Variants in PLEKHG1 observed in about 807,000 individuals in gnomAD.
PLEKHG1 encodes the protein pleckstrin homology and RhoGEF domain containing G1.
Under a neutral mutation model 100.8 loss-of-function variants are expected in PLEKHG1, and 44 were observed. The observed-to-expected ratio is 0.44, with a 90% confidence interval of 0.34 to 0.56. The LOEUF is 0.56. Ranked by LOEUF, PLEKHG1 falls within the 20% of genes least tolerant of loss-of-function variation. The pLI is 0.01. For missense variants in PLEKHG1, 1,545 were observed against 1,720.9 expected (o/e 0.90, Z 1.81); for synonymous variants, 640 against 662.5 (o/e 0.97, Z 0.52).
At chr6:150,790,701 A>G (rs1170024290) in intron 4 of PLEKHG1, among the ~76,000 whole-genome samples, 1 of 152,190 alleles carries the variant, frequency 6.6e-6, no homozygotes, top group African/African-American at 2.4e-5. Flanking sequence ...ATATCCACGT[A>G]ATGAAGTACT....
intron 5 of PLEKHG1, among the ~76,000 whole-genome samples, chr6:150,798,988 G>A (rs1309711668): frequency 3.9e-5 from 6 of 152,032 alleles, no homozygotes; most frequent in South Asian, 2.1e-4. Context: ...TGATCCACCC[G>A]CCTCGGCCTT....
intron 2 of PLEKHG1, among the ~76,000 whole-genome samples, chr6:150,756,604 G>A (rs1046456413): frequency 6.6e-6 from 1 of 152,076 alleles, no homozygotes; most frequent in African/African-American, 2.4e-5. Flanking sequence ...AAGTAAAATA[G>A]CTTGATTTTG....
chr6:150,678,266 C>A (rs1405830021), intron 3 of PLEKHG1, among the ~76,000 whole-genome samples: 1 of 151,650 alleles, frequency 6.6e-6, no homozygotes, highest in Non-Finnish European at 1.5e-5. Flanking sequence ...AACTTCAGAC[C>A]ACTTGAACAA....
chr6:150,718,884 T>A (rs901256709), upstream of PLEKHG1, among the ~76,000 whole-genome samples: 226 of 126,804 alleles, frequency 1.8e-3, 5 homozygotes, highest in East Asian at 4.4e-4. Flanking sequence ...AGGATCAATA[T>A]AAAGGCAAAA....
rs878880335 is a variant in PLEKHG1 at position 150,831,174 on chromosome 6, G to A, written c.2063G>A (p.Arg688Lys). The change falls in exon 15 of 16, where the codon AGG becomes AAG. Residue 688 changes from arginine to lysine, a missense_variant. Transcript: ENST00000358517. The surrounding 1 kb of genome is among the most constrained non-coding windows in gnomAD (Gnocchi z 4.1). ...GAATCCACTCCCTCTAAATCAGCCA[G>A]GGACTCCGTTCGCCCCAAGAGCACC... The A allele has an allele frequency of 3.1e-6, 5 of 1,614,136 alleles. No homozygotes were observed. In the South Asian group the frequency reaches 4.4e-5, roughly 14 times the overall value.
Position 150,743,251 on chromosome 6 carries a change from G to A in PLEKHG1, c.411+9159G>A, listed in dbSNP as rs140858398. Among the ~76,000 whole-genome samples, 511 of 152,282 alleles carry A rather than the reference G, an allele frequency of 3.4e-3. 5 individuals are homozygous for A. Among genetic ancestry groups the A allele is most frequent in the African/African-American group, 0.012 (483 of 41,556 alleles). The stretch of plus-strand genomic sequence containing the variant: ...TAAAAAGGAAGAGGCTGGGTGTGGC[G>A]GCTCATGCCTGTAATCCCAGCACTT... On this transcript the variant is annotated intron_variant, in intron 2 of 15. Transcript: ENST00000358517.
At chr6:150,601,232 G>A (rs1426985609) in intron 1 of PLEKHG1, among the ~76,000 whole-genome samples, 1 of 152,210 alleles carries the variant, frequency 6.6e-6, no homozygotes, top group African/African-American at 2.4e-5. Context: ...TCTGTAGACA[G>A]CATACTTCTA....
intron 3 of PLEKHG1, among the ~76,000 whole-genome samples, chr6:150,697,544 A>C (rs1264660700): frequency 1.3e-5 from 2 of 152,132 alleles, no homozygotes; most frequent in East Asian, 3.9e-4. Flanking sequence ...AGCTTCTCCT[A>C]ATTGAGAATC....
At chr6:150,702,994 C>A (rs2128600097) in intron 3 of PLEKHG1, among the ~76,000 whole-genome samples, 1 of 152,262 alleles carries the variant, frequency 6.6e-6, no homozygotes, top group East Asian at 1.9e-4. Context: ...TCATTTTATT[C>A]CTACAAAACA....
intron 2 of PLEKHG1, among the ~76,000 whole-genome samples, chr6:150,740,586 GA>G (rs1782806082): frequency 6.6e-6 from 1 of 152,194 alleles, no homozygotes; most frequent in Non-Finnish European, 1.5e-5. Flanking sequence ...TACCGAGGGA[GA>G]AAAATGTGTT....
intron 3 of PLEKHG1, among the ~76,000 whole-genome samples, chr6:150,783,284 G>T (rs965131913): frequency 3.3e-5 from 5 of 151,548 alleles, no homozygotes; most frequent in Admixed American, 6.6e-5. Context: ...TAGCGTATTA[G>T]ACCAGGAGAT....
chr6:150,764,400 T>C (rs1217593864), intron 2 of PLEKHG1, among the ~76,000 whole-genome samples: 1 of 152,216 alleles, frequency 6.6e-6, no homozygotes, highest in Non-Finnish European at 1.5e-5. Flanking sequence ...ATTACAGGCA[T>C]GAGCCACTGC....
chr6:150,661,800 G>A (rs1038025124), intron 3 of PLEKHG1, among the ~76,000 whole-genome samples: 1 of 152,210 alleles, frequency 6.6e-6, no homozygotes, highest in African/African-American at 2.4e-5. Flanking sequence ...GGAGCTTCAT[G>A]TGTATATCAG....
chr6:150,821,238 G>C lies in PLEKHG1; in HGVS notation c.1447+5G>C. 1 of 1,599,330 alleles carries C rather than the reference G, an allele frequency of 6.3e-7. No individual in the cohort carries two copies. The highest frequency in any genetic ancestry group is 1.3e-5 in the African/African-American group (1 of 74,722). ...ATAAAGTTTTGAAGACCAGTGGTAA[G>C]TCGTAAAATATATTTTCCTGTTTCA... is the stretch of plus-strand genomic sequence containing the variant. On this transcript the variant is annotated splice_donor_5th_base_variant and intron_variant, in intron 13 of 15. Transcript: ENST00000358517.
exon 6 of PLEKHG1, chr6:150,800,823 T>A (rs1408786372): frequency 1.2e-6 from 2 of 1,614,104 alleles, no homozygotes; most frequent in Non-Finnish European, 1.7e-6. Flanking sequence ...GGGTCCTATC[T>A]CTTGAAACCA....
At chr6:150,611,807 A>G (rs145416895) in intron 1 of PLEKHG1, among the ~76,000 whole-genome samples, 10,304 of 127,512 alleles carry the variant, frequency 0.081, 478 homozygotes, top group Non-Finnish European at 0.11. Flanking sequence ...GTGAGACTCC[A>G]TCTCAAAAAA....
chr6:150,709,369 C>T (rs572184329), intron 3 of PLEKHG1, among the ~76,000 whole-genome samples: 2 of 152,288 alleles, frequency 1.3e-5, no homozygotes, highest in East Asian at 1.9e-4. Context: ...GAATAAAAAG[C>T]ATTTTCCTGC....
chr6:150,611,657 C>G (rs932935072), intron 1 of PLEKHG1, among the ~76,000 whole-genome samples: 19 of 151,920 alleles, frequency 1.3e-4, no homozygotes, highest in Non-Finnish European at 2.5e-4. Flanking sequence ...ATTAAAAATA[C>G]AAAAATTAGC....
chr6:150,804,176 T>TATATATATATA (rs55868220), intron 6 of PLEKHG1, among the ~76,000 whole-genome samples: 19 of 24,770 alleles, frequency 7.7e-4, no homozygotes, highest in African/African-American at 1.5e-3. Context: ...TATATATATA[T>TATATATATATA]TTTTTTTTTT....
Sources: gnomAD v4.1 joint callset for allele counts (sites outside exome capture counted in the v4.1 genomes callset) on GRCh38, gnomAD v4.1.1 for gene constraint, Gnocchi (gnomAD v3.1) non-coding constraint, MANE v1.5 for transcripts, NCBI Gene and HGNC (gene_info 2026-07-23, HGNC 2026-07-21) for gene names.